Variants in MYH10 observed in about 807,000 individuals in gnomAD.
MYH10 encodes the protein myosin-10.
MYH10 carries 55 observed loss-of-function variants against 257.8 expected under a neutral mutation model. That is an observed-to-expected ratio of 0.21 (90% CI 0.17 to 0.27). The LOEUF is 0.27. MYH10 is among the 10% of genes least tolerant of loss of function. MYH10 has a pLI of 1.00. For synonymous variants in MYH10, 854 were observed against 921.7 expected (o/e 0.93, Z 1.33); for missense variants, 1,631 against 2,500.6 (o/e 0.65, Z 7.42).
intron 2 of MYH10, among the ~76,000 whole-genome samples, chr17:8,618,251 CTTTT>C (rs149959575): frequency 7.0e-6 from 1 of 142,468 alleles, no homozygotes. Context: ...TTCCTTTTTT[CTTTT>C]TTTTTTTTTT....
chr17:8,619,776 A>T (rs2152103940), intron 2 of MYH10, among the ~76,000 whole-genome samples: 1 of 152,140 alleles, frequency 6.6e-6, no homozygotes, highest in South Asian at 2.1e-4. Context: ...ATACAAAAAA[A>T]TTATCTGGGT....
In MYH10 at chr17:8,515,533, CTTTTTTTTTTTT is replaced by C. The variant is rs562174128; in HGVS notation, c.2505-1651_2505-1640del. Among the ~76,000 whole-genome samples the C allele has an allele frequency of 3.8e-4, 33 of 86,900 alleles. No homozygotes were observed. The East Asian group carries it at 7.0e-3, about 18-fold the overall frequency. The allele number at this position is 86,900 out of a possible 152,430, so 57.0% of individuals were successfully genotyped here. A position where few individuals can be genotyped will look rare whatever the true frequency, so the allele number is the denominator to read the frequency against. On this transcript the variant is annotated intron_variant, in intron 21 of 42. Coordinates refer to ENST00000360416, the MANE Select transcript of MYH10 (RefSeq NM_001256012.3). ...ACCAGCCAAAAAGAATTAGCCAAGT[CTTTTTTTTTTTT>C]TTTTTTTTTTTTTTTGAGACAGAGT...
chr17:8,561,955 G>C (rs189133731), intron 7 of MYH10, among the ~76,000 whole-genome samples: 132 of 152,344 alleles, frequency 8.7e-4, no homozygotes, highest in Non-Finnish European at 1.6e-3. Context: ...CTGTGGTGTG[G>C]AAGGAGGCAA....
Position 8,504,912 on chromosome 17 carries a change from A to C in MYH10, c.3387-6T>G. The stretch of plus-strand genomic sequence containing the variant: ...GGAGTGTTTCATCATCACCTCTGTT[A>C]AAACACCCAGGCGCAAGAGGCACTC... On this transcript the variant is annotated splice_region_variant and splice_polypyrimidine_tract_variant and intron_variant, in intron 27 of 42. Transcript: ENST00000360416. This position sits in a 1 kb window ranked among gnomAD's most constrained non-coding sequence, Gnocchi z 5.6. 6.2e-7 allele frequency: 1 copy of C among 1,613,348 alleles called. No homozygotes were observed. Among genetic ancestry groups the C allele is most frequent in the Non-Finnish European group, 8.5e-7 (1 of 1,179,324 alleles).
chr17:8,569,221 C>CA lies in MYH10; in HGVS notation c.756+498dup, dbSNP rs57833859. 7.9e-5 allele frequency among the ~76,000 whole-genome samples: 11 copies of CA among 138,816 alleles called. No homozygotes were observed. The highest frequency in any genetic ancestry group is 2.4e-4 in the African/African-American group (9 of 37,628). The allele number at this position is 138,816 out of a possible 152,430, so 91.1% of individuals were successfully genotyped here. ...TGGGTGACAGAGCAAGACCCTGTCT[C>CA]AAAAAAAAAAAAAAATTAAAGAGAA... On this transcript the variant is annotated intron_variant, in intron 7 of 42. Coordinates refer to ENST00000360416, the MANE Select transcript of MYH10 (RefSeq NM_001256012.3). The surrounding 1 kb of genome is among the most constrained non-coding windows in gnomAD (Gnocchi z 4.1).
intron 3 of MYH10, among the ~76,000 whole-genome samples, chr17:8,599,552 C>T (rs1288455349): frequency 2.6e-5 from 4 of 152,156 alleles, no homozygotes; most frequent in African/African-American, 9.7e-5. Context: ...CTCCCTCCTC[C>T]TCACTCTCAG....
rs1227294970 is a variant in MYH10 at position 8,475,752 on chromosome 17, G to A, written c.*52C>T. 1.7e-5 allele frequency: 27 copies of A among 1,578,602 alleles called. No individual in the cohort carries two copies. Among genetic ancestry groups the A allele is most frequent in the Admixed American group, 3.6e-5 (2 of 55,844 alleles). On this transcript the variant is annotated 3_prime_UTR_variant, in exon 43 of 43. Transcript: ENST00000360416. ...ATTTCCGAAATCTGCAGGAGGCCCC[G>A]GGTGCATTCCTAACTGTCCCACTGT...
intron 7 of MYH10, chr17:8,561,251 A>C: frequency 1.1e-6 from 1 of 928,066 alleles, no homozygotes; most frequent in Non-Finnish European, 1.8e-6. Context: ...AAGAAGGAAC[A>C]AAGGTCGTGC....
chr17:8,555,372 T>C (rs2082760059), intron 7 of MYH10, among the ~76,000 whole-genome samples: 1 of 152,178 alleles, frequency 6.6e-6, no homozygotes, highest in Non-Finnish European at 1.5e-5. Flanking sequence ...GCTGGGGGAA[T>C]CACACTACTT....
chr17:8,593,159 C>T (rs1288879232), intron 3 of MYH10, among the ~76,000 whole-genome samples: 1 of 151,394 alleles, frequency 6.6e-6, no homozygotes, highest in East Asian at 1.9e-4. Flanking sequence ...TTTAAAAACT[C>T]AGCAAACTAG....
Position 8,521,110 on chromosome 17 carries a change from A to G in MYH10, c.2133T>C (p.Ile711=), listed in dbSNP as rs776867116. The change falls in exon 18 of 43, where the codon ATT becomes ATC. Residue 711 remains isoleucine, a synonymous_variant. Coordinates refer to ENST00000360416, the MANE Select transcript of MYH10 (RefSeq NM_001256012.3). ...NTNPNFVRCI[I]PNHEKRAGKL... The stretch of plus-strand genomic sequence containing the variant: ...CACGTACCCTCTTCTCGTGATTTGG[A>G]ATGATACAACGAACAAAGTTAGGGT... 5.6e-6 allele frequency: 9 copies of G among 1,614,118 alleles called. No individual in the cohort carries two copies. Among genetic ancestry groups the G allele is most frequent in the South Asian group, 1.1e-5 (1 of 91,088 alleles).
chr17:8,623,154 T>C lies in MYH10; in HGVS notation c.93A>G (p.Thr31=). Residue 31 remains threonine, a synonymous_variant, in exon 2 of 43, where the codon ACA becomes ACG. Transcript: ENST00000360416. ...ATGGAATCCACACTAGCTTTTTAGC[T>C]GTCCAATCAGCTTGAGTGGCAGGGT... The part of the protein sequence containing the change: ...IYNPATQADW[T]AKKLVWIPSE... The C allele has an allele frequency of 6.2e-7, 1 of 1,613,854 alleles. No homozygotes were observed. Among genetic ancestry groups the C allele is most frequent in the Non-Finnish European group, 8.5e-7 (1 of 1,179,922 alleles).
At chr17:8,524,320 C>T (rs757166985) in intron 17 of MYH10, among the ~76,000 whole-genome samples, 1 of 151,794 alleles carries the variant, frequency 6.6e-6, no homozygotes, top group Non-Finnish European at 1.5e-5. Flanking sequence ...CGTGGTGGTG[C>T]ACACCTGTAG....
At position 8,521,073 on chromosome 17, in the gene MYH10, T is replaced by C. The variant is rs1432031734; in HGVS notation, c.2151+19A>G. ...TAGATCAGTTTTAAATACTAGCATATGTTTTGCTCAGCACGTACCCTCTTC... is the reference window on the plus strand; with the variant it reads ...TAGATCAGTTTTAAATACTAGCATACGTTTTGCTCAGCACGTACCCTCTTC... On this transcript the variant is annotated intron_variant, in intron 18 of 42. Transcript: ENST00000360416. 1.2e-6 allele frequency: 2 copies of C among 1,613,894 alleles called. No individual in the cohort carries two copies. The highest frequency in any genetic ancestry group is 1.1e-5 in the South Asian group (1 of 91,090).
intron 1 of MYH10, among the ~76,000 whole-genome samples, 180 bp downstream of exon 1, chr17:8,630,474 C>T (rs766791174): frequency 1.8e-4 from 28 of 152,058 alleles, no homozygotes; most frequent in Admixed American, 4.6e-4. Flanking sequence ...ACCTAAGGTC[C>T]CCGCAGCACA....
chr17:8,592,496 G>T (rs1306380908), intron 3 of MYH10, among the ~76,000 whole-genome samples: 2 of 151,830 alleles, frequency 1.3e-5, no homozygotes, highest in African/African-American at 2.4e-5. Flanking sequence ...ATATTGAAAA[G>T]ATAATAAGAA....
chr17:8,555,885 CAT>C lies in MYH10; in HGVS notation c.757-1869_757-1868del, dbSNP rs556678455. On this transcript the variant is annotated intron_variant, in intron 7 of 42. Transcript: ENST00000360416. ...ACTGGGAGATAATATTTGGGAAACA[CAT>C]GTGATAAAAGGCTTGTTGCCAGAAT... 1.1e-3 allele frequency among the ~76,000 whole-genome samples: 140 copies of C among 126,176 alleles called. 1 individual carries two copies. Among genetic ancestry groups the C allele is most frequent in the African/African-American group, 3.7e-3 (131 of 35,282 alleles). 82.8% of individuals were successfully genotyped at this position (126,176 alleles called of 152,430 possible).
At chr17:8,538,026 C>G (rs1222986196) in intron 14 of MYH10, among the ~76,000 whole-genome samples, 1 of 152,182 alleles carries the variant, frequency 6.6e-6, no homozygotes, top group Non-Finnish European at 1.5e-5. Context: ...ACGGGCCTGT[C>G]AGGTGCCACC....
intron 4 of MYH10, among the ~76,000 whole-genome samples, chr17:8,579,576 T>C (rs2083627581): frequency 6.6e-6 from 1 of 152,218 alleles, no homozygotes; most frequent in African/African-American, 2.4e-5. Flanking sequence ...TATAAGACTA[T>C]TTCCTATGTG....
Sources: gnomAD v4.1 joint callset for allele counts (sites outside exome capture counted in the v4.1 genomes callset) on GRCh38, gnomAD v4.1.1 for gene constraint, Gnocchi (gnomAD v3.1) non-coding constraint, MANE v1.5 for transcripts, NCBI Gene and HGNC (gene_info 2026-07-23, HGNC 2026-07-21) for gene names.